SLC1A3: variants seen among roughly 807,000 people sequenced by gnomAD.
The protein encoded by SLC1A3 is solute carrier family 1 member 3, also known as excitatory amino acid transporter 1.
Under a neutral mutation model 48.1 loss-of-function variants are expected in SLC1A3, and 21 were observed. The ratio of observed to expected loss-of-function variants is 0.44; its 90% CI spans 0.31 to 0.63. The LOEUF (loss-of-function observed/expected upper bound fraction) is 0.63. Among genes scored for constraint, SLC1A3 ranks in the 20% least tolerant of loss-of-function variants. The pLI, the probability that SLC1A3 is intolerant of heterozygous loss-of-function variation, is 0.08. For synonymous variants in SLC1A3, 239 were observed against 251.4 expected (o/e 0.95, Z 0.47); for missense variants, 546 against 689.0 (o/e 0.79, Z 2.32).
At chr5:36,613,719 T>A (rs2111682942) in intron 2 of SLC1A3, among the ~76,000 whole-genome samples, 1 of 152,306 alleles carries the variant, frequency 6.6e-6, no homozygotes, top group East Asian at 1.9e-4. Context: ...AGGGGGATCC[T>A]GAGTCCCCTG....
chr5:36,633,292 C>A (rs894867858), intron 3 of SLC1A3, among the ~76,000 whole-genome samples: 4 of 152,134 alleles, frequency 2.6e-5, no homozygotes, highest in Non-Finnish European at 4.4e-5. Context: ...CAGAAGAAAT[C>A]TTTGGTGTCA....
chr5:36,599,722 G>A (rs1273984254), intron 1 of SLC1A3, among the ~76,000 whole-genome samples: 1 of 151,462 alleles, frequency 6.6e-6, no homozygotes, highest in African/African-American at 2.4e-5. Flanking sequence ...TGGTCAGGCT[G>A]GTCTCGTACT....
chr5:36,677,473 C>T (rs1160795034), intron 6 of SLC1A3, among the ~76,000 whole-genome samples: 5 of 152,154 alleles, frequency 3.3e-5, no homozygotes, highest in Admixed American at 3.3e-4. Flanking sequence ...GTTTTTCATT[C>T]AAGACATAAT....
chr5:36,662,406 T>C (rs1362557031), intron 3 of SLC1A3, among the ~76,000 whole-genome samples: 1 of 152,192 alleles, frequency 6.6e-6, no homozygotes, highest in Non-Finnish European at 1.5e-5. Context: ...GTCATTCCTT[T>C]GTGCTCGGCT....
At position 36,661,228 on chromosome 5, in the gene SLC1A3, G is replaced by A. The variant is rs1307186280; in HGVS notation, c.320-9801G>A. Among the ~76,000 whole-genome samples the A allele has an allele frequency of 2.0e-5, 3 of 152,108 alleles. No homozygotes were observed. The East Asian group carries it at 5.8e-4, about 29-fold the overall frequency. ...GGAGTGCGAGACCAGACAGGCCAAC[G>A]TGGCGAAACCCCGTCTCTACTAAAA... is the stretch of plus-strand genomic sequence containing the variant. On this transcript the variant is annotated intron_variant, in intron 3 of 9. Transcript: ENST00000265113.
At chr5:36,610,087 G>C (rs183942491) in intron 2 of SLC1A3, among the ~76,000 whole-genome samples, 1 of 152,304 alleles carries the variant, frequency 6.6e-6, no homozygotes, top group East Asian at 1.9e-4. Flanking sequence ...GAAACTGACT[G>C]TGGAGAGATC....
At chr5:36,609,805 G>C (rs1339670282) in intron 2 of SLC1A3, among the ~76,000 whole-genome samples, 1 of 152,080 alleles carries the variant, frequency 6.6e-6, no homozygotes, top group African/African-American at 2.4e-5. Context: ...AGGTTTCCAG[G>C]CTTGAATATA....
chr5:36,660,726 T>C (rs997101235), intron 3 of SLC1A3, among the ~76,000 whole-genome samples: 4 of 152,230 alleles, frequency 2.6e-5, no homozygotes, highest in Non-Finnish European at 5.9e-5. Flanking sequence ...ACTCCCTAGG[T>C]GAGACTATTC....
At chr5:36,677,683 C>T (rs535213580) in intron 6 of SLC1A3, among the ~76,000 whole-genome samples, 9 of 152,206 alleles carry the variant, frequency 5.9e-5, no homozygotes, top group Non-Finnish European at 1.0e-4. Context: ...GGAGAAGGCA[C>T]AAAGTTTGCC....
At chr5:36,675,847 C>A (rs550448548) in intron 5 of SLC1A3, among the ~76,000 whole-genome samples, 1 of 152,282 alleles carries the variant, frequency 6.6e-6, no homozygotes, top group South Asian at 2.1e-4. Flanking sequence ...TTTCCATTAA[C>A]CCTTGGTAAA....
At chr5:36,616,126 A>C (rs897162989) in intron 2 of SLC1A3, among the ~76,000 whole-genome samples, 6 of 152,080 alleles carry the variant, frequency 3.9e-5, no homozygotes, top group Admixed American at 2.6e-4. Flanking sequence ...ACCGGGAAGG[A>C]GGAGGTTGCA....
At chr5:36,658,863 T>G (rs1232062288) in intron 3 of SLC1A3, among the ~76,000 whole-genome samples, 1 of 152,198 alleles carries the variant, frequency 6.6e-6, no homozygotes, top group Non-Finnish European at 1.5e-5. Flanking sequence ...GTATGTCATT[T>G]TCTGAATAAA....
At chr5:36,627,510 C>T (rs531514272) in intron 2 of SLC1A3, among the ~76,000 whole-genome samples, 29 of 151,926 alleles carry the variant, frequency 1.9e-4, no homozygotes, top group Non-Finnish European at 3.4e-4. Flanking sequence ...AAAAAAAATC[C>T]CAGATGTAAA....
rs572409132 is a variant in SLC1A3, at chr5:36,641,129, G to C, written c.319+11542G>C. On this transcript the variant is annotated intron_variant, in intron 3 of 9. Coordinates refer to ENST00000265113, the MANE Select transcript of SLC1A3 (RefSeq NM_004172.5). ...AATTACCAAAACCCTCCTGCAGACA[G>C]AGCATGATACATCTTTAGTATAGGA... is the stretch of plus-strand genomic sequence containing the variant. 5.9e-5 allele frequency among the ~76,000 whole-genome samples: 9 copies of C among 152,208 alleles called. No homozygotes were observed. The East Asian group carries it at 1.3e-3, about 23-fold the overall frequency.
At chr5:36,602,761 G>T (rs1738823013), upstream of SLC1A3, among the ~76,000 whole-genome samples, 2 of 152,180 alleles carry the variant, frequency 1.3e-5, no homozygotes, top group South Asian at 4.1e-4. Context: ...CTTTGTGTTG[G>T]TGTTCCCTAG....
intron 2 of SLC1A3, among the ~76,000 whole-genome samples, chr5:36,610,037 G>A (rs2111664047): frequency 6.6e-6 from 1 of 152,330 alleles, no homozygotes. Context: ...TGAAGCGAGT[G>A]AGAAGGTATG....
intron 1 of SLC1A3, among the ~76,000 whole-genome samples, chr5:36,597,524 G>C (rs946188147): frequency 5.9e-5 from 9 of 152,030 alleles, no homozygotes; most frequent in Admixed American, 5.9e-4. Context: ...TTACAGGCGT[G>C]AGCCACCGCG....
chr5:36,660,844 G>A (rs1741482545), intron 3 of SLC1A3, among the ~76,000 whole-genome samples: 1 of 152,184 alleles, frequency 6.6e-6, no homozygotes, highest in Non-Finnish European at 1.5e-5. Flanking sequence ...CAAGAAATAT[G>A]CTGACTAAGA....
chr5:36,660,212 C>T (rs1448677739), intron 3 of SLC1A3, among the ~76,000 whole-genome samples: 2 of 152,158 alleles, frequency 1.3e-5, no homozygotes, highest in African/African-American at 4.8e-5. Context: ...ATTTTACCAA[C>T]CCGTCTCATG....
Sources: allele counts gnomAD v4.1 joint callset (sites outside exome capture counted in the v4.1 genomes callset), GRCh38; gene constraint gnomAD v4.1.1; transcripts MANE v1.5; gene names NCBI Gene and HGNC (gene_info 2026-07-23, HGNC 2026-07-21).